HNF4A: variants seen among roughly 807,000 people sequenced by gnomAD.
HNF4A encodes hepatocyte nuclear factor 4-alpha.
In HNF4A, 15 loss-of-function variants were observed where a neutral mutation model predicts 52.4. The observed-to-expected ratio is 0.29, with a 90% CI of 0.19 to 0.44. The LOEUF is 0.44. HNF4A is among the 20% of genes least tolerant of loss of function. The probability of loss-of-function intolerance (pLI) is 1.00; values close to 1 mark genes in which losing one functional copy is unlikely to be tolerated. For missense variants in HNF4A, 479 were observed against 647.2 expected, an observed-to-expected ratio of 0.74 and a Z score of 2.82; for synonymous variants, 280 against 264.4, an observed-to-expected ratio of 1.06 and a Z score of -0.57.
intron 3 of HNF4A, among the ~76,000 whole-genome samples, chr20:44,409,158 G>T (rs1471361274): frequency 1.3e-5 from 2 of 152,180 alleles, no homozygotes; most frequent in Non-Finnish European, 2.9e-5. Flanking sequence ...CCCAAGGCCT[G>T]CTCTGAACGC....
Position 44,389,020 on chromosome 20 carries a change from TAGC to T in HNF4A, c.50-17034_50-17032del, listed in dbSNP as rs554237696. Among the ~76,000 whole-genome samples the T allele has an allele frequency of 1.6e-4, 24 of 152,310 alleles. No homozygotes were observed. The South Asian group carries it at 3.9e-3, about 25-fold the overall frequency. On this transcript the variant is annotated intron_variant, in intron 1 of 9. Coordinates refer to the HNF4A transcript ENST00000316673. ...ACTGTGGAGTCTATCAAGTGAGACT[TAGC>T]AGCCCCACTCCCTCAGGTGCGCCCC...
At chr20:44,403,439 C>A (rs1266501700) in intron 1 of HNF4A, among the ~76,000 whole-genome samples, 1 of 152,222 alleles carries the variant, frequency 6.6e-6, no homozygotes, top group Non-Finnish European at 1.5e-5. Context: ...AAGGGCCTGG[C>A]CCCACCATGG....
At chr20:44,404,954 T>C (rs2063473734) in intron 1 of HNF4A, among the ~76,000 whole-genome samples, 4 of 17,208 alleles carry the variant, frequency 2.3e-4, no homozygotes, top group Admixed American at 1.8e-3. Flanking sequence ...GTGGGAACTG[T>C]GTGGTGTGTG....
At chr20:44,407,757 T>TTGTGTGTGTGTGTGTGTGTGTG (rs35406830) in intron 3 of HNF4A, among the ~76,000 whole-genome samples, 1 of 145,846 alleles carries the variant, frequency 6.9e-6, no homozygotes, top group African/African-American at 2.6e-5. Flanking sequence ...AGCAGCCACG[T>TTGTGTGTGTGTGTGTGTGTGTG]TGTGTGTGTG....
intron 1 of HNF4A, among the ~76,000 whole-genome samples, chr20:44,365,882 C>T (rs1209820279): frequency 6.6e-6 from 1 of 152,068 alleles, no homozygotes; most frequent in East Asian, 1.9e-4. Context: ...TGGTACACGC[C>T]TGTAGTCCCA....
intron 1 of HNF4A, among the ~76,000 whole-genome samples, chr20:44,365,437 C>G (rs1159316391): frequency 2.0e-5 from 3 of 151,840 alleles, no homozygotes; most frequent in Non-Finnish European, 4.4e-5. Flanking sequence ...CCCAAAATGC[C>G]GGGATTACAG....
intron 1 of HNF4A, among the ~76,000 whole-genome samples, chr20:44,369,998 A>C (rs746988173): frequency 6.6e-6 from 1 of 151,876 alleles, no homozygotes; most frequent in Non-Finnish European, 1.5e-5. Flanking sequence ...TGGTCACTGC[A>C]GTCAGCCACA....
intron 1 of HNF4A, among the ~76,000 whole-genome samples, chr20:44,404,087 C>T (rs977086444): frequency 7.9e-5 from 12 of 152,194 alleles, no homozygotes; most frequent in Admixed American, 5.9e-4. Flanking sequence ...AAATGAGATG[C>T]GGCAGTGTCT....
chr20:44,380,812 G>A (rs143396248), intron 1 of HNF4A, among the ~76,000 whole-genome samples: 81 of 152,140 alleles, frequency 5.3e-4, no homozygotes, highest in African/African-American at 1.9e-3. Flanking sequence ...CTGTGCTTTT[G>A]GTGTCATATC....
At chr20:44,404,827 CTG>C (rs1179662587) in intron 1 of HNF4A, among the ~76,000 whole-genome samples, 212 of 1,140 alleles carry the variant, frequency 0.19, 21 homozygotes, top group African/African-American at 0.26. Flanking sequence ...TGTGTGTGAA[CTG>C]TGGTGTGTGT....
In HNF4A at chr20:44,430,613, G is replaced by C. The variant is rs1446175159; in HGVS notation, c.*948G>C. ...AGCAAGAATTGAGGAAGAATGGTGTGGGAGAGGGATGATGAAGAGAGAGAG... is the reference window on the plus strand; with the variant it reads ...AGCAAGAATTGAGGAAGAATGGTGTCGGAGAGGGATGATGAAGAGAGAGAG... On this transcript the variant is annotated 3_prime_UTR_variant, in exon 10 of 10. Coordinates refer to ENST00000316099, the MANE Select transcript of HNF4A (RefSeq NM_000457.6). 5 of 104,128 alleles carry C rather than the reference G, an allele frequency of 4.8e-5. No homozygotes were observed. Among genetic ancestry groups the C allele is most frequent in the African/African-American group, 1.7e-4 (5 of 29,130 alleles). 6.5% of individuals were successfully genotyped at this position (104,128 alleles called of 1,614,324 possible). A position where few individuals can be genotyped will look rare whatever the true frequency, so the allele number is the denominator to read the frequency against.
rs139293959 is a variant in HNF4A at position 44,420,363 on chromosome 20, C to A, written c.892+487C>A. Among the ~76,000 whole-genome samples, 49 of 152,138 alleles carry A rather than the reference C, an allele frequency of 3.2e-4. No homozygotes were observed. The East Asian group carries it at 9.1e-3, about 28-fold the overall frequency. Reference sequence around the variant, plus strand: ...AGGGAGGATATGACTTGACAGGGCACCCTGACTCCAAAGGCCTGGGCTTTC... The same window carrying A: ...AGGGAGGATATGACTTGACAGGGCAACCTGACTCCAAAGGCCTGGGCTTTC... On this transcript the variant is annotated intron_variant, in intron 7 of 9. Coordinates refer to ENST00000316099, the MANE Select transcript of HNF4A (RefSeq NM_000457.6).
chr20:44,391,825 G>A (rs920544189), intron 1 of HNF4A, among the ~76,000 whole-genome samples: 3 of 152,212 alleles, frequency 2.0e-5, no homozygotes, highest in African/African-American at 7.2e-5. Context: ...TGTAAGGGAT[G>A]TGGTTCCCCA....
chr20:44,358,286 G>T (rs912135333), intron 1 of HNF4A, among the ~76,000 whole-genome samples: 1 of 151,014 alleles, frequency 6.6e-6, no homozygotes, highest in Non-Finnish European at 1.5e-5. Context: ...TGCTTTCTGA[G>T]AAAAGAAACA....
At chr20:44,401,646 G>A (rs2063411207) in intron 1 of HNF4A, 1 of 458,328 alleles carries the variant, frequency 2.2e-6, no homozygotes, top group Non-Finnish European at 2.9e-6. Flanking sequence ...TGAAGCCCAT[G>A]TGCCCAGGCA....
intron 1 of HNF4A, among the ~76,000 whole-genome samples, chr20:44,381,191 A>C (rs1044139417): frequency 6.6e-6 from 1 of 151,684 alleles, no homozygotes; most frequent in Non-Finnish European, 1.5e-5. Context: ...TTATAGAAAG[A>C]TCTCCATTTT....
rs951503461 is a variant in HNF4A, at chr20:44,429,439, G to A, written c.1283-84G>A. ...AAGTCAAGGTGGGGCAGGGTGGGAG[G>A]GGAGAACTTTCCCGGGCCTCTTCAT... is the stretch of plus-strand genomic sequence containing the variant. On this transcript the variant is annotated intron_variant, in intron 9 of 9. Coordinates refer to ENST00000316099, the MANE Select transcript of HNF4A (RefSeq NM_000457.6). The A allele has an allele frequency of 6.6e-6, 10 of 1,505,202 alleles. No homozygotes were observed. In the Admixed American group the frequency reaches 1.3e-4, roughly 20 times the overall value. The allele number at this position is 1,505,202 out of a possible 1,614,324, so 93.2% of individuals were successfully genotyped here.
At position 44,404,924 on chromosome 20, in the gene HNF4A, TGTGTGGTGTGTGTGC is replaced by T. The variant is rs2063471238; in HGVS notation, c.116-1128_116-1114del. Among the ~76,000 whole-genome samples, 2 of 46,714 alleles carry T rather than the reference TGTGTGGTGTGTGTGC, an allele frequency of 4.3e-5. 1 individual carries two copies. Among genetic ancestry groups the T allele is most frequent in the Non-Finnish European group, 8.2e-5 (2 of 24,362 alleles). 30.6% of individuals were successfully genotyped at this position (46,714 alleles called of 152,430 possible). On this transcript the variant is annotated intron_variant, in intron 1 of 9. Coordinates refer to ENST00000316099, the MANE Select transcript of HNF4A (RefSeq NM_000457.6). ...GGTGTGTGTGGTGTGTGTGTGCTTGTGTGTGGTGTGTGTGCGTGTGTGGGAACTGTGTGGTGTGTG... is the reference window on the plus strand; with the variant it reads ...GGTGTGTGTGGTGTGTGTGTGCTTGTGTGTGTGGGAACTGTGTGGTGTGTG...
intron 1 of HNF4A, chr20:44,377,645 C>T (rs906211311): frequency 6.6e-6 from 1 of 152,102 alleles, no homozygotes; most frequent in African/African-American, 2.4e-5. Flanking sequence ...CACCTGTAAT[C>T]CCAGCCACTT....
Sources: allele counts gnomAD v4.1 joint callset (sites outside exome capture counted in the v4.1 genomes callset), GRCh38; gene constraint gnomAD v4.1.1; transcripts MANE v1.5; gene names NCBI Gene and HGNC (gene_info 2026-07-23, HGNC 2026-07-21).